The following HMCN1 variants were observed in gnomAD, a reference collection of about 807,000 sequenced individuals.
HMCN1 encodes the protein hemicentin-1.
In HMCN1, 321 loss-of-function variants were observed where a neutral mutation model predicts 625.9. The observed-to-expected ratio is 0.51, with a 90% CI of 0.47 to 0.56. HMCN1 has a LOEUF of 0.56. Ranked by LOEUF, HMCN1 falls within the 20% of genes least tolerant of loss-of-function variation. The pLI is 0.00. For synonymous variants in HMCN1, 2,425 were observed against 2,417.6 expected, an observed-to-expected ratio of 1.00 and a Z score of -0.09; for missense variants, 6,588 against 6,887.3, an observed-to-expected ratio of 0.96 and a Z score of 1.54.
intron 4 of HMCN1, among the ~76,000 whole-genome samples, chr1:185,898,470 C>CTT (rs139267865): frequency 2.6e-5 from 4 of 151,368 alleles, no homozygotes; most frequent in African/African-American, 9.7e-5. Flanking sequence ...TGTAAGCAGA[C>CTT]TTTTTTTTTA....
chr1:186,051,072 T>G (rs1356374601), intron 42 of HMCN1, among the ~76,000 whole-genome samples: 1 of 151,976 alleles, frequency 6.6e-6, no homozygotes, highest in Non-Finnish European at 1.5e-5. Flanking sequence ...TTAATATCAT[T>G]CATTCTGGAG....
At chr1:186,041,197 T>G (rs893593298) in intron 40 of HMCN1, 61 bp downstream of exon 40, 2 of 1,451,388 alleles carry the variant, frequency 1.4e-6, no homozygotes, top group African/African-American at 2.8e-5. Context: ...CTAAAATCAT[T>G]GAGAAAGTTA....
At chr1:185,882,998 G>A (rs941086783) in intron 4 of HMCN1, among the ~76,000 whole-genome samples, 1 of 151,990 alleles carries the variant, frequency 6.6e-6, no homozygotes, top group Non-Finnish European at 1.5e-5. Context: ...GTGCCAGATT[G>A]TGAGCTCCTA....
chr1:186,057,233 G>C lies in HMCN1; in HGVS notation c.7145-1G>C. The stretch of plus-strand genomic sequence containing the variant: ...CCTGTTTGTTTTATTTTGTCTTACA[G>C]CTCCTCCAAGCATCATAGGAAACCA... On this transcript the variant is annotated splice_acceptor_variant, in intron 45 of 106. Coordinates refer to ENST00000271588, the MANE Select transcript of HMCN1 (RefSeq NM_031935.3). LOFTEE classifies it high-confidence loss of function. 6.2e-7 allele frequency: 1 copy of C among 1,609,530 alleles called. No individual in the cohort carries two copies. Among genetic ancestry groups the C allele is most frequent in the East Asian group, 2.2e-5 (1 of 44,698 alleles).
chr1:185,913,911 C>G (rs371954032), intron 6 of HMCN1, among the ~76,000 whole-genome samples: 3 of 152,028 alleles, frequency 2.0e-5, no homozygotes, highest in Admixed American at 6.6e-5. Flanking sequence ...GTGAGCAGAG[C>G]CTTTGATCAG....
chr1:186,133,381 T>TGAAATAAC (rs1386082809), intron 86 of HMCN1, among the ~76,000 whole-genome samples: 3 of 152,194 alleles, frequency 2.0e-5, no homozygotes, highest in Non-Finnish European at 4.4e-5. Context: ...TCATCTTTCA[T>TGAAATAAC]GAAATAACTA....
At chr1:185,804,115 A>G (rs1010495284) in intron 1 of HMCN1, among the ~76,000 whole-genome samples, 1 of 152,074 alleles carries the variant, frequency 6.6e-6, no homozygotes, top group African/African-American at 2.4e-5. Context: ...AGATTTTTTT[A>G]AAATTTTCAT....
chr1:186,111,963 C>T (rs948845847), intron 71 of HMCN1, among the ~76,000 whole-genome samples: 1 of 152,138 alleles, frequency 6.6e-6, no homozygotes, highest in Admixed American at 6.5e-5. Context: ...TCCTGAAATG[C>T]TTCATCTTAG....
At chr1:185,824,810 C>T (rs1469392629) in intron 1 of HMCN1, among the ~76,000 whole-genome samples, 2 of 152,018 alleles carry the variant, frequency 1.3e-5, no homozygotes, top group South Asian at 2.1e-4. Flanking sequence ...TTGTTTTATT[C>T]GATAGCCTGT....
Position 185,867,902 on chromosome 1 carries a change from C to T in HMCN1, c.621+2039C>T, listed in dbSNP as rs569924225. ...TGGCCAACATGGTGAAAACCCGTCT[C>T]TACTAAAAATACAAAAATTAGTTGG... On this transcript the variant is annotated intron_variant, in intron 4 of 106. Transcript: ENST00000271588. Among the ~76,000 whole-genome samples, 15 of 152,104 alleles carry T rather than the reference C, an allele frequency of 9.9e-5. No homozygotes were observed. The South Asian group carries it at 3.1e-3, about 32-fold the overall frequency.
intron 100 of HMCN1, among the ~76,000 whole-genome samples, chr1:186,168,088 A>G (rs1651990947): frequency 6.6e-6 from 1 of 151,808 alleles, no homozygotes; most frequent in Admixed American, 6.6e-5. Flanking sequence ...AAGAGTATGT[A>G]ACTGGAAACA....
chr1:185,936,287 T>C (rs1172490749), intron 11 of HMCN1, among the ~76,000 whole-genome samples: 1 of 152,060 alleles, frequency 6.6e-6, no homozygotes, highest in African/African-American at 2.4e-5. Flanking sequence ...CAATAAATTA[T>C]ATATAAAGAC....
chr1:186,046,162 T>C (rs1173336486), intron 41 of HMCN1, among the ~76,000 whole-genome samples: 4 of 151,988 alleles, frequency 2.6e-5, no homozygotes, highest in Non-Finnish European at 4.4e-5. Flanking sequence ...AAGTGACCAT[T>C]TTAGGTGCTC....
chr1:185,956,086 A>T (rs1317553853), intron 11 of HMCN1, among the ~76,000 whole-genome samples: 1 of 152,146 alleles, frequency 6.6e-6, no homozygotes, highest in African/African-American at 2.4e-5. Context: ...TATTAATCAT[A>T]TTATATATAC....
At position 185,777,515 on chromosome 1, in the gene HMCN1, G is replaced by A. The variant is rs61314460; in HGVS notation, c.268+42468G>A. Among the ~76,000 whole-genome samples the A allele has an allele frequency of 2.8e-3, 430 of 151,798 alleles. 16 individuals carry two copies. In the East Asian group the frequency reaches 0.058, roughly 20 times the overall value. On this transcript the variant is annotated intron_variant, in intron 1 of 106. Transcript: ENST00000271588. ...TCGCCAGGCTGGAGTGCAGTGGCAC[G>A]ATCTCGCCTCACTACCATCTCCGCC... is the stretch of plus-strand genomic sequence containing the variant.
intron 82 of HMCN1, among the ~76,000 whole-genome samples, chr1:186,127,288 G>C (rs530927372): frequency 1.3e-5 from 2 of 152,054 alleles, no homozygotes; most frequent in Admixed American, 6.6e-5. Flanking sequence ...GAGTTTGTAA[G>C]AAAGTATCAG....
chr1:186,050,384 G>T (rs1178850383), intron 42 of HMCN1, among the ~76,000 whole-genome samples: 2 of 151,898 alleles, frequency 1.3e-5, no homozygotes, highest in East Asian at 3.9e-4. Flanking sequence ...AATGTATACA[G>T]AAGAGTACGC....
intron 1 of HMCN1, among the ~76,000 whole-genome samples, chr1:185,755,092 T>G (rs2102104699): frequency 1.3e-5 from 2 of 152,304 alleles, no homozygotes; most frequent in East Asian, 3.9e-4. Context: ...TATGTCTAAA[T>G]TGCTATTATT....
intron 1 of HMCN1, among the ~76,000 whole-genome samples, chr1:185,794,139 C>A (rs781676956): frequency 6.6e-6 from 1 of 151,928 alleles, no homozygotes; most frequent in Non-Finnish European, 1.5e-5. Context: ...TTGATAGATT[C>A]TTTTGCCATT....
Sources: gnomAD v4.1 joint callset for allele counts (sites outside exome capture counted in the v4.1 genomes callset) on GRCh38, gnomAD v4.1.1 for gene constraint, MANE v1.5 for transcripts, NCBI Gene and HGNC (gene_info 2026-07-23, HGNC 2026-07-21) for gene names.